The following IL1RAPL2 variants were observed in gnomAD, a reference collection of about 807,000 sequenced individuals.
IL1RAPL2 encodes the protein X-linked interleukin-1 receptor accessory protein-like 2.
IL1RAPL2 carries 3 observed loss-of-function variants against 44.1 expected under a neutral mutation model. The ratio of observed to expected loss-of-function variants is 0.07; its 90% confidence interval spans 0.03 to 0.18. The LOEUF (loss-of-function observed/expected upper bound fraction) is 0.18. IL1RAPL2 is among the 10% of genes least tolerant of loss of function. The pLI is 1.00. For synonymous variants in IL1RAPL2, 181 were observed against 178.8 expected (o/e 1.01, Z -0.10); for missense variants, 391 against 496.4 (o/e 0.79, Z 2.02).
At chrX:105,455,203 T>G (rs2147763716) in intron 5 of IL1RAPL2, among the ~76,000 whole-genome samples, 1 of 112,374 alleles carries the variant, frequency 8.9e-6, no homozygotes, top group Admixed American at 9.4e-5. Context: ...TTCAACTAAT[T>G]TAGGAAAATA....
chrX:105,567,054 G>A (rs899153870), intron 6 of IL1RAPL2, among the ~76,000 whole-genome samples: 9 of 111,339 alleles, frequency 8.1e-5, no homozygotes, highest in Non-Finnish European at 1.3e-4. Context: ...CTCTAGAAAT[G>A]GAGATAGAGA....
intron 6 of IL1RAPL2, among the ~76,000 whole-genome samples, chrX:105,538,336 A>T (rs2036694748): frequency 9.1e-6 from 1 of 110,156 alleles, no homozygotes. Context: ...GCGCCCGGCC[A>T]ATTTTCCCTT....
At chrX:105,502,870 T>C (rs762462682) in intron 6 of IL1RAPL2, among the ~76,000 whole-genome samples, 2 of 110,719 alleles carry the variant, frequency 1.8e-5, no homozygotes, top group Non-Finnish European at 3.8e-5. Context: ...TAAAAAAAAA[T>C]GCAAATGTAG....
At chrX:105,713,742 T>G (rs753043848) in intron 6 of IL1RAPL2, among the ~76,000 whole-genome samples, 1 of 111,622 alleles carries the variant, frequency 9.0e-6, no homozygotes, top group South Asian at 3.8e-4. Flanking sequence ...TGGGGTCTTT[T>G]GTCCCTTGTC....
chrX:105,405,185 A>C (rs1398521781), intron 5 of IL1RAPL2, among the ~76,000 whole-genome samples: 1 of 111,721 alleles, frequency 9.0e-6, no homozygotes, highest in African/African-American at 3.2e-5. Context: ...CAGAATAATA[A>C]AATAAGTTAG....
At chrX:105,022,592 A>T (rs1158567690) in intron 2 of IL1RAPL2, among the ~76,000 whole-genome samples, 1 of 110,961 alleles carries the variant, frequency 9.0e-6, no homozygotes, top group Non-Finnish European at 1.9e-5. Flanking sequence ...GTGATTTTTC[A>T]TGGGTGCTAA....
chrX:105,091,816 C>A (rs952920311), intron 2 of IL1RAPL2, among the ~76,000 whole-genome samples: 1 of 111,859 alleles, frequency 8.9e-6, no homozygotes, highest in African/African-American at 3.2e-5. Flanking sequence ...CAATGCCTCA[C>A]AAGAAGTAGG....
chrX:104,976,161 A>G (rs754207317), intron 2 of IL1RAPL2, among the ~76,000 whole-genome samples: 97 of 111,831 alleles, frequency 8.7e-4, no homozygotes, highest in Non-Finnish European at 1.5e-3. Context: ...GTGTTGCAAG[A>G]GAAAATGAGT....
intron 6 of IL1RAPL2, among the ~76,000 whole-genome samples, chrX:105,623,488 C>G (rs2037434100): frequency 9.0e-6 from 1 of 110,955 alleles, no homozygotes; most frequent in Non-Finnish European, 1.9e-5. Flanking sequence ...GTTCTGGGAC[C>G]AGGTTTCATT....
chrX:105,030,629 T>G, intron 2 of IL1RAPL2, among the ~76,000 whole-genome samples: 1 of 112,123 alleles, frequency 8.9e-6, no homozygotes, highest in Non-Finnish European at 1.9e-5. Flanking sequence ...ACCAGTACCA[T>G]GCTTTTTTGG....
chrX:105,230,582 AT>A (rs199881369), intron 3 of IL1RAPL2, among the ~76,000 whole-genome samples: 5,432 of 109,298 alleles, frequency 0.05, 136 homozygotes, highest in Non-Finnish European at 0.075. Flanking sequence ...TAGAGATACA[AT>A]TGTTTGAATA....
intron 6 of IL1RAPL2, among the ~76,000 whole-genome samples, chrX:105,603,025 A>T (rs1376429150): frequency 1.8e-5 from 2 of 110,423 alleles, no homozygotes; most frequent in African/African-American, 6.6e-5. Context: ...GAGCAGATAC[A>T]CATATGAGAA....
intron 5 of IL1RAPL2, among the ~76,000 whole-genome samples, chrX:105,292,739 C>T (rs935237391): frequency 3.6e-5 from 4 of 110,538 alleles, no homozygotes; most frequent in African/African-American, 6.6e-5. Context: ...TTTTAAATCC[C>T]TCAGTTTTAA....
chrX:105,232,744 A>G (rs1442395902), intron 3 of IL1RAPL2, among the ~76,000 whole-genome samples: 2 of 112,380 alleles, frequency 1.8e-5, no homozygotes, highest in Admixed American at 1.9e-4. Context: ...TTGAACTCAC[A>G]TTATTGAGAA....
At chrX:105,189,769 T>A (rs1320469550) in intron 2 of IL1RAPL2, among the ~76,000 whole-genome samples, 2 of 111,647 alleles carry the variant, frequency 1.8e-5, no homozygotes, top group Non-Finnish European at 3.8e-5. Flanking sequence ...ATGGTTATTA[T>A]TTGGGAATAT....
At chrX:105,631,965 C>T (rs1444652423) in intron 6 of IL1RAPL2, among the ~76,000 whole-genome samples, 1 of 111,006 alleles carries the variant, frequency 9.0e-6, no homozygotes, top group Non-Finnish European at 1.9e-5. Flanking sequence ...CCCTCACCCC[C>T]TCCTCTTTTG....
intron 2 of IL1RAPL2, among the ~76,000 whole-genome samples, chrX:104,855,785 C>T (rs1922349461): frequency 9.5e-6 from 1 of 105,676 alleles, no homozygotes; most frequent in African/African-American, 3.4e-5. Context: ...CTGCCTCAGC[C>T]TTCCAAATAG....
chrX:104,657,264 C>T (rs141304975), intron 1 of IL1RAPL2, among the ~76,000 whole-genome samples: 1,159 of 111,061 alleles, frequency 0.01, 9 homozygotes, highest in Non-Finnish European at 0.017. Context: ...GGTACTGGTA[C>T]GAAAACAGAG....
chrX:105,572,272 CT>C (rs2037019631), intron 6 of IL1RAPL2, among the ~76,000 whole-genome samples: 1 of 111,703 alleles, frequency 9.0e-6, no homozygotes, highest in Non-Finnish European at 1.9e-5. Context: ...AAGAAAAGGT[CT>C]GCAAGAGTGG....
Sources: gnomAD v4.1 joint callset for allele counts (sites outside exome capture counted in the v4.1 genomes callset) on GRCh38, gnomAD v4.1.1 for gene constraint, MANE v1.5 for transcripts, NCBI Gene and HGNC (gene_info 2026-07-23, HGNC 2026-07-21) for gene names.